The following PHYHIPL variants were observed in gnomAD, a reference collection of about 807,000 sequenced individuals.
The protein encoded by PHYHIPL is phytanoyl-CoA hydroxylase-interacting protein-like.
In PHYHIPL, 9 loss-of-function variants were observed where a neutral mutation model predicts 33.4. That is an observed-to-expected ratio of 0.27 (90% CI 0.16 to 0.47). The LOEUF is 0.47. Among genes scored for constraint, PHYHIPL ranks in the 20% least tolerant of loss-of-function variants. PHYHIPL has a pLI of 0.99. For synonymous variants in PHYHIPL, 153 were observed against 154.1 expected, an observed-to-expected ratio of 0.99 and a Z score of 0.05; for missense variants, 365 against 460.7, an observed-to-expected ratio of 0.79 and a Z score of 1.90.
chr10:59,194,080 G>GTTT (rs778292956), intron 1 of PHYHIPL, among the ~76,000 whole-genome samples: 70 of 111,440 alleles, frequency 6.3e-4, no homozygotes, highest in African/African-American at 9.4e-4. Flanking sequence ...TTACCTATAT[G>GTTT]TTTTTTTTTT....
At chr10:59,179,818 G>T (rs1838350836) in intron 1 of PHYHIPL, among the ~76,000 whole-genome samples, 1 of 147,132 alleles carries the variant, frequency 6.8e-6, no homozygotes, top group Admixed American at 6.9e-5. Context: ...TCATATAATT[G>T]GCTTTTCAAT....
intron 1 of PHYHIPL, among the ~76,000 whole-genome samples, chr10:59,211,375 TTTTTG>T (rs1266138737): frequency 2.6e-5 from 4 of 152,008 alleles, no homozygotes; most frequent in African/African-American, 9.7e-5. Flanking sequence ...AGGGTCTTTG[TTTTTG>T]TTTTGTTTTG....
chr10:59,190,900 A>G (rs1838765372), intron 1 of PHYHIPL, among the ~76,000 whole-genome samples: 1 of 151,898 alleles, frequency 6.6e-6, no homozygotes. Flanking sequence ...TTCAGTGTAA[A>G]GGATAGTTTA....
chr10:59,177,019 C>T (rs1809938350), intron 1 of PHYHIPL, 60 bp downstream of exon 1: 2 of 1,476,794 alleles, frequency 1.4e-6, no homozygotes, highest in Middle Eastern at 1.9e-4. Context: ...GCCGGGGCCA[C>T]TCTGGCTCCG....
intron 4 of PHYHIPL, among the ~76,000 whole-genome samples, chr10:59,244,835 A>G (rs1218358223): frequency 6.6e-6 from 1 of 152,160 alleles, no homozygotes; most frequent in East Asian, 1.9e-4. Context: ...ATTTAATACA[A>G]AGTCTCCAAG....
chr10:59,223,754 G>A (rs1355384047), intron 1 of PHYHIPL, among the ~76,000 whole-genome samples: 5 of 151,798 alleles, frequency 3.3e-5, no homozygotes, highest in South Asian at 4.2e-4. Context: ...GACCTCCCCC[G>A]GGTCAGGTGA....
intron 1 of PHYHIPL, among the ~76,000 whole-genome samples, chr10:59,184,412 G>A (rs918982154): frequency 1.3e-5 from 2 of 152,132 alleles, no homozygotes; most frequent in African/African-American, 2.4e-5. Context: ...CTTGATAGGA[G>A]TAAAAATATT....
In PHYHIPL at chr10:59,245,910, A is replaced by C. The variant is rs1482439915; in HGVS notation, c.*319A>C. ...ACAGTTATATAGACTGCTTTAGCAA[A>C]GTACACAATAATGGCTTATAAATGG... is the stretch of plus-strand genomic sequence containing the variant. On this transcript the variant is annotated 3_prime_UTR_variant, in exon 5 of 5. Coordinates refer to ENST00000373880, the MANE Select transcript of PHYHIPL (RefSeq NM_032439.4). 4.1e-6 allele frequency: 1 copy of C among 242,860 alleles called. No homozygotes were observed. Among genetic ancestry groups the C allele is most frequent in the Non-Finnish European group, 8.0e-6 (1 of 125,672 alleles). The allele number at this position is 242,860 out of a possible 1,614,324, so 15.0% of individuals were successfully genotyped here.
At chr10:59,217,919 A>G (rs1839661851) in intron 1 of PHYHIPL, among the ~76,000 whole-genome samples, 1 of 152,138 alleles carries the variant, frequency 6.6e-6, no homozygotes, top group African/African-American at 2.4e-5. Context: ...GCCAGCATAC[A>G]CCTTGGACTA....
chr10:59,179,312 C>T lies in PHYHIPL; in HGVS notation c.106+2353C>T, dbSNP rs755108606. 9.9e-5 allele frequency among the ~76,000 whole-genome samples: 15 copies of T among 152,222 alleles called. No individual in the cohort carries two copies. In the Middle Eastern group the frequency reaches 0.01, roughly 104 times the overall value. Reference sequence around the variant, plus strand: ...TTTCACTTTCTTTCCACTCAAGTCTCGTTATTTTACTTCTGTAACTATGTA... The same window carrying T: ...TTTCACTTTCTTTCCACTCAAGTCTTGTTATTTTACTTCTGTAACTATGTA... On this transcript the variant is annotated intron_variant, in intron 1 of 4. Transcript: ENST00000373880.
At chr10:59,177,252 T>G (rs1838278004) in intron 1 of PHYHIPL, 1 of 592,846 alleles carries the variant, frequency 1.7e-6, no homozygotes. Flanking sequence ...TCGCGGCTCC[T>G]GCCCCGACGA....
At chr10:59,241,971 T>C (rs1454677082) in intron 4 of PHYHIPL, among the ~76,000 whole-genome samples, 1 of 152,114 alleles carries the variant, frequency 6.6e-6, no homozygotes. Flanking sequence ...CAGAAACCTT[T>C]TAGACAATAA....
chr10:59,174,749 G>A (rs1469615963), upstream of PHYHIPL, among the ~76,000 whole-genome samples: 1 of 152,068 alleles, frequency 6.6e-6, no homozygotes, highest in Non-Finnish European at 1.5e-5. Flanking sequence ...AAATCATTTT[G>A]GAGATCTTCC....
At chr10:59,243,591 G>C (rs1354720950) in intron 4 of PHYHIPL, among the ~76,000 whole-genome samples, 2 of 152,094 alleles carry the variant, frequency 1.3e-5, no homozygotes, top group Non-Finnish European at 2.9e-5. Flanking sequence ...GTGGTTTTCA[G>C]GTGGTAGAAT....
chr10:59,199,318 T>G lies in PHYHIPL; in HGVS notation c.106+22359T>G, dbSNP rs541263963. Among the ~76,000 whole-genome samples the G allele has an allele frequency of 2.0e-5, 3 of 152,342 alleles. No individual in the cohort carries two copies. In the East Asian group the frequency reaches 5.8e-4, roughly 29 times the overall value. On this transcript the variant is annotated intron_variant, in intron 1 of 4. Coordinates refer to ENST00000373880, the MANE Select transcript of PHYHIPL (RefSeq NM_032439.4). ...GCACCATTTATTAAATAGGGAATCCTTTCCCCATTTCTTGTTTTTGTCAGG... is the reference window on the plus strand; with the variant it reads ...GCACCATTTATTAAATAGGGAATCCGTTCCCCATTTCTTGTTTTTGTCAGG...
chr10:59,190,655 A>C (rs1021867989), intron 1 of PHYHIPL, among the ~76,000 whole-genome samples: 2 of 151,936 alleles, frequency 1.3e-5, no homozygotes, highest in Non-Finnish European at 2.9e-5. Flanking sequence ...TATATTGTCA[A>C]ATTGAATTTC....
At chr10:59,234,106 T>C (rs780321938) in intron 1 of PHYHIPL, among the ~76,000 whole-genome samples, 198 bp from the exon 2 acceptor site, 1 of 151,786 alleles carries the variant, frequency 6.6e-6, no homozygotes, top group Non-Finnish European at 1.5e-5. Flanking sequence ...AAAACTAACA[T>C]GTCATAGATT....
intron 1 of PHYHIPL, among the ~76,000 whole-genome samples, chr10:59,199,059 AAT>A (rs1488552182): frequency 6.6e-6 from 1 of 152,102 alleles, no homozygotes; most frequent in Non-Finnish European, 1.5e-5. Flanking sequence ...TCTTTAGTTT[AAT>A]TAGATCCCAT....
rs1840734728 is a variant in PHYHIPL, at chr10:59,246,631, T to C, written c.*1040T>C. The C allele has an allele frequency of 2.5e-6, 1 of 397,612 alleles. No homozygotes were observed. 24.6% of individuals were successfully genotyped at this position (397,612 alleles called of 1,614,324 possible). A position where few individuals can be genotyped will look rare whatever the true frequency, so the allele number is the denominator to read the frequency against. The stretch of plus-strand genomic sequence containing the variant: ...CTGAAGTTGATGAAGCAAATAAATA[T>C]TCTGGCTTCTTTTTCAAGGTATCAG... On this transcript the variant is annotated 3_prime_UTR_variant, in exon 5 of 5. Transcript: ENST00000373880.
Sources: gnomAD v4.1 joint callset for allele counts (sites outside exome capture counted in the v4.1 genomes callset) on GRCh38, gnomAD v4.1.1 for gene constraint, MANE v1.5 for transcripts, NCBI Gene and HGNC (gene_info 2026-07-23, HGNC 2026-07-21) for gene names.